GALNT17: variants seen among roughly 807,000 people sequenced by gnomAD.
The protein encoded by GALNT17 is polypeptide N-acetylgalactosaminyltransferase 17, also known as UDP-GalNAc:polypeptide N-acetylgalactosaminyltransferase-like 3.
Under a neutral mutation model 63.7 loss-of-function variants are expected in GALNT17, and 29 were observed. The ratio of observed to expected loss-of-function variants is 0.46; its 90% CI spans 0.34 to 0.62. GALNT17 has a LOEUF of 0.62. GALNT17 is among the 20% of genes least tolerant of loss of function. The pLI is 0.01. For missense variants in GALNT17, 603 were observed against 799.6 expected, an observed-to-expected ratio of 0.75 and a Z score of 2.97; for synonymous variants, 305 against 318.3, an observed-to-expected ratio of 0.96 and a Z score of 0.45.
chr7:71,453,879 G>C (rs899759864), intron 5 of GALNT17, among the ~76,000 whole-genome samples: 1 of 121,166 alleles, frequency 8.3e-6, no homozygotes, highest in African/African-American at 2.6e-5. Flanking sequence ...GACATCAGCA[G>C]ACACTCCTTT....
At position 71,290,635 on chromosome 7, in the gene GALNT17, G is replaced by C. The variant is rs368994993; in HGVS notation, c.239-44915G>C. Among the ~76,000 whole-genome samples the C allele has an allele frequency of 4.6e-5, 7 of 152,142 alleles. No individual in the cohort carries two copies. In the East Asian group the frequency reaches 5.8e-4, roughly 13 times the overall value. ...GTCCTGGGTGGCTGGTCTATTAAAAGCTCCCTTGACAATTTCGACAAAAGC... is the reference window on the plus strand; with the variant it reads ...GTCCTGGGTGGCTGGTCTATTAAAACCTCCCTTGACAATTTCGACAAAAGC... On this transcript the variant is annotated intron_variant, in intron 1 of 10. Coordinates refer to ENST00000333538, the MANE Select transcript of GALNT17 (RefSeq NM_022479.3).
intron 5 of GALNT17, among the ~76,000 whole-genome samples, chr7:71,478,345 T>C (rs1787758034): frequency 6.6e-6 from 1 of 152,064 alleles, no homozygotes; most frequent in Non-Finnish European, 1.5e-5. Context: ...AGTGTCTCAC[T>C]CTGTTACCCG....
At chr7:71,365,272 G>A (rs1700101297) in intron 2 of GALNT17, among the ~76,000 whole-genome samples, 1 of 151,454 alleles carries the variant, frequency 6.6e-6, no homozygotes, top group Non-Finnish European at 1.5e-5. Flanking sequence ...ACAGAGTCTC[G>A]CTCTGCTGCC....
intron 9 of GALNT17, among the ~76,000 whole-genome samples, chr7:71,699,637 T>C (rs1791600593): frequency 6.6e-6 from 1 of 152,132 alleles, no homozygotes; most frequent in Admixed American, 6.5e-5. Flanking sequence ...AAATGCGTTA[T>C]TAAAGATGAA....
intron 5 of GALNT17, among the ~76,000 whole-genome samples, chr7:71,429,743 G>A (rs1366918779): frequency 6.6e-6 from 1 of 152,128 alleles, no homozygotes; most frequent in African/African-American, 2.4e-5. Flanking sequence ...GTCTCACTCT[G>A]TCTCCCAGGC....
At chr7:71,501,679 A>G (rs1229992469) in intron 5 of GALNT17, among the ~76,000 whole-genome samples, 2 of 152,056 alleles carry the variant, frequency 1.3e-5, no homozygotes, top group Admixed American at 6.6e-5. Context: ...CAGGGCAGAC[A>G]GGCTCTGATC....
At chr7:71,565,739 C>T (rs1789332146) in intron 5 of GALNT17, among the ~76,000 whole-genome samples, 1 of 152,094 alleles carries the variant, frequency 6.6e-6, no homozygotes, top group Non-Finnish European at 1.5e-5. Flanking sequence ...ACAGCCACAG[C>T]ATGGTCCCAC....
At chr7:71,265,349 A>T (rs546340610) in intron 1 of GALNT17, among the ~76,000 whole-genome samples, 2 of 150,332 alleles carry the variant, frequency 1.3e-5, no homozygotes, top group South Asian at 4.2e-4. Context: ...CTGCTCTCGA[A>T]CTCCTGACCT....
Position 71,710,911 on chromosome 7 carries a change from C to A in GALNT17, c.1651C>A (p.Arg551Ser), listed in dbSNP as rs573694816. The A allele has an allele frequency of 6.2e-7, 1 of 1,613,830 alleles. No homozygotes were observed. Among genetic ancestry groups the A allele is most frequent in the South Asian group, 1.1e-5 (1 of 91,072 alleles). Residue 551 changes from arginine (R) to serine (S), a missense_variant, in exon 10 of 11, where the codon CGC becomes AGC. By Grantham distance (110) the Arg-to-Ser change is moderately radical. Around this residue, in one of 3 missense-constraint regions of GALNT17, gnomAD observed 72 missense variants for 76.9 expected, o/e 0.94. Transcript: ENST00000333538. Reference sequence around the variant, plus strand: ...CAAGGTCAAGAGCAGCCTGTACAAGCGCTGGAACTTCATCCAGGTGAGTGC... The same window carrying A: ...CAAGGTCAAGAGCAGCCTGTACAAGAGCTGGAACTTCATCCAGGTGAGTGC... ...CDKVKSSLYK[R>S]WNFIQNGAIM...
chr7:71,185,075 C>G (rs1203122829), intron 1 of GALNT17, among the ~76,000 whole-genome samples: 5 of 137,456 alleles, frequency 3.6e-5, no homozygotes, highest in African/African-American at 8.8e-5. Context: ...GCTTCTTTTT[C>G]TCCTCCTCCT....
intron 6 of GALNT17, among the ~76,000 whole-genome samples, chr7:71,592,526 TAAAATAA>T (rs1789819238): frequency 4.9e-5 from 5 of 102,574 alleles, no homozygotes; most frequent in South Asian, 4.5e-4. Context: ...TAAAATAAAA[TAAAATAA>T]AATAAAATAA....
chr7:71,563,366 C>G (rs1173927524), intron 5 of GALNT17, among the ~76,000 whole-genome samples: 1 of 152,106 alleles, frequency 6.6e-6, no homozygotes, highest in Non-Finnish European at 1.5e-5. Flanking sequence ...TGCTTTGCTC[C>G]TGATTGTCAG....
intron 9 of GALNT17, among the ~76,000 whole-genome samples, chr7:71,680,990 C>T (rs1791253494): frequency 6.6e-6 from 1 of 151,980 alleles, no homozygotes; most frequent in Non-Finnish European, 1.5e-5. Context: ...GCCTCAGCCT[C>T]CTGGGCTTAA....
intron 9 of GALNT17, among the ~76,000 whole-genome samples, chr7:71,700,305 C>T (rs867939773): frequency 7.4e-6 from 1 of 134,750 alleles, no homozygotes; most frequent in South Asian, 2.4e-4. Flanking sequence ...GAGACTTTCT[C>T]AAAAAAAAAA....
intron 9 of GALNT17, among the ~76,000 whole-genome samples, chr7:71,685,992 T>A (rs1309807876): frequency 8.2e-6 from 1 of 121,694 alleles, no homozygotes; most frequent in East Asian, 2.8e-4. Flanking sequence ...TCTCACTCTG[T>A]CACCCAGGCT....
chr7:71,712,264 C>T lies in GALNT17; in HGVS notation c.*118C>T, dbSNP rs532508560. On this transcript the variant is annotated 3_prime_UTR_variant, in exon 11 of 11. Coordinates refer to ENST00000333538, the MANE Select transcript of GALNT17 (RefSeq NM_022479.3). The stretch of plus-strand genomic sequence containing the variant: ...GGGCCGGCAGGTGCTCGATGGGCCC[C>T]CCAGGGCTTCTCCAGGGCAGCACAG... 2.1e-5 allele frequency: 30 copies of T among 1,425,114 alleles called. No homozygotes were observed. The highest frequency in any genetic ancestry group is 2.6e-4 in the Middle Eastern group (1 of 3,798). The allele number at this position is 1,425,114 out of a possible 1,614,324, so 88.3% of individuals were successfully genotyped here. A position where few individuals can be genotyped will look rare whatever the true frequency, so the allele number is the denominator to read the frequency against.
chr7:71,176,439 C>G (rs557118588), intron 1 of GALNT17, among the ~76,000 whole-genome samples: 1 of 152,202 alleles, frequency 6.6e-6, no homozygotes, highest in South Asian at 2.1e-4. Context: ...AAAATCTGAC[C>G]TGACACTCAG....
At chr7:71,595,361 T>C in intron 6 of GALNT17, among the ~76,000 whole-genome samples, 1 of 151,820 alleles carries the variant, frequency 6.6e-6, no homozygotes, top group South Asian at 2.1e-4. Context: ...AGCCAGGAAT[T>C]TGAGGCTACA....
chr7:71,427,390 C>T (rs1315820695), intron 5 of GALNT17, among the ~76,000 whole-genome samples: 3 of 152,046 alleles, frequency 2.0e-5, no homozygotes, highest in South Asian at 4.1e-4. Context: ...GCCACCACCA[C>T]GCCTGGCCTC....
Sources: gnomAD v4.1 joint callset for allele counts (sites outside exome capture counted in the v4.1 genomes callset) on GRCh38, gnomAD v4.1.1 for gene constraint, gnomAD v4.1.1 regional missense constraint, MANE v1.5 for transcripts, NCBI Gene and HGNC (gene_info 2026-07-23, HGNC 2026-07-21) for gene names.